Variants in ITIH2 observed in about 807,000 individuals in gnomAD.
ITIH2 encodes the protein inter-alpha-trypsin inhibitor heavy chain 2.
A neutral mutation model predicts 104.4 loss-of-function variants in ITIH2; 103 were observed. The ratio of observed to expected loss-of-function variants is 0.99; its 90% CI spans 0.84 to 1.16. ITIH2 has a LOEUF of 1.16. Among genes scored for constraint, ITIH2 ranks in the 50% most tolerant of loss-of-function variants. ITIH2 has a pLI of 0.00. For missense variants in ITIH2, 1,108 were observed against 1,162.4 expected (o/e 0.95, Z 0.68); for synonymous variants, 436 against 435.4 (o/e 1.00, Z -0.02).
At chr10:7,743,844 C>T (rs1835149732) in intron 17 of ITIH2, among the ~76,000 whole-genome samples, 1 of 151,740 alleles carries the variant, frequency 6.6e-6, no homozygotes, top group Admixed American at 6.6e-5. Context: ...TATAAACTGA[C>T]AATTAAATTT....
intron 18 of ITIH2, 91 bp from the exon 19 acceptor site, chr10:7,744,700 G>A: frequency 2.0e-6 from 2 of 1,018,246 alleles, no homozygotes; most frequent in Non-Finnish European, 2.9e-6. Context: ...TGTCTGGGAG[G>A]AGTGAAGAGT....
chr10:7,704,315 G>T (rs936535048), intron 1 of ITIH2, among the ~76,000 whole-genome samples: 6 of 152,226 alleles, frequency 3.9e-5, no homozygotes, highest in African/African-American at 1.4e-4. Flanking sequence ...CACTCTGTCT[G>T]CTTTGAAACT....
chr10:7,739,908 G>C (rs998707451), intron 16 of ITIH2, among the ~76,000 whole-genome samples: 1 of 151,510 alleles, frequency 6.6e-6, no homozygotes, highest in Non-Finnish European at 1.5e-5. Flanking sequence ...AGTAGGGACC[G>C]GGCACGGTGG....
Position 7,744,214 on chromosome 10 carries a change from C to T in ITIH2, c.2342C>T (p.Thr781Ile). Residue 781 changes from threonine to isoleucine, a missense_variant, in exon 18 of 21, where the codon ACC (threonine) becomes ATC (isoleucine). Thr to Ile is a moderately conservative substitution (Grantham distance 89). Transcript: ENST00000358415. ...IKIEISTETI[T>I]LSHGSSTFSL... is the part of the protein sequence containing the mutation. ...ATAGAAATCAGCACTGAGACCATCA[C>T]CCTGAGCCATGGTTCTAGCACATTC... 1 of 1,614,184 alleles carries T rather than the reference C, an allele frequency of 6.2e-7. No homozygotes were observed. The highest frequency in any genetic ancestry group is 8.5e-7 in the Non-Finnish European group (1 of 1,180,030).
At chr10:7,747,285 C>T (rs946187425) in intron 20 of ITIH2, among the ~76,000 whole-genome samples, 3 of 152,128 alleles carry the variant, frequency 2.0e-5, no homozygotes, top group African/African-American at 7.2e-5. Flanking sequence ...AGCAGCTTAC[C>T]CCTTTTTAGA....
chr10:7,705,776 C>T lies in ITIH2; in HGVS notation c.159+594C>T, dbSNP rs186013473. On this transcript the variant is annotated intron_variant, in intron 2 of 20. Coordinates refer to ENST00000358415, the MANE Select transcript of ITIH2 (RefSeq NM_002216.3). ...TTAAGATTCCGAAATTATTTCCTGC[C>T]TTGCCGGAAGGATTTCCTGTTAGGA... 5.2e-3 allele frequency among the ~76,000 whole-genome samples: 789 copies of T among 151,660 alleles called. 3 individuals are homozygous for T. Among genetic ancestry groups the T allele is most frequent in the African/African-American group, 0.018 (749 of 41,370 alleles).
chr10:7,707,363 A>T, intron 3 of ITIH2, 130 bp downstream of exon 3: 1 of 677,316 alleles, frequency 1.5e-6, no homozygotes, highest in East Asian at 2.7e-5. Flanking sequence ...GCCTTGCCCA[A>T]CTGTTTGCAA....
rs774528846 is a variant in ITIH2 at position 7,727,078 on chromosome 10, A to C, written c.1113A>C (p.Ala371=). 1 of 1,614,070 alleles carries C rather than the reference A, an allele frequency of 6.2e-7. No individual in the cohort carries two copies. Among genetic ancestry groups the C allele is most frequent in the African/African-American group, 1.3e-5 (1 of 74,950 alleles). The part of the protein sequence containing the change: ...DLISATKTQV[A]DAKRYIEKIQ... ...TTTCAGCTACAAAAACACAGGTTGCAGATGCCAAGAGGTATATTGAGAAAA... is the reference window on the plus strand; with the variant it reads ...TTTCAGCTACAAAAACACAGGTTGCCGATGCCAAGAGGTATATTGAGAAAA... Residue 371 remains alanine, a synonymous_variant, in exon 10 of 21, where the codon GCA becomes GCC. Coordinates refer to ENST00000358415, the MANE Select transcript of ITIH2 (RefSeq NM_002216.3).
At chr10:7,725,129 C>G (rs1344610802) in intron 9 of ITIH2, among the ~76,000 whole-genome samples, 4 of 152,090 alleles carry the variant, frequency 2.6e-5, no homozygotes, top group Non-Finnish European at 5.9e-5. Flanking sequence ...AATACACATG[C>G]AAGTACAAAT....
intron 16 of ITIH2, among the ~76,000 whole-genome samples, chr10:7,741,522 C>CAATCAACT (rs1016804582): frequency 3.9e-5 from 6 of 152,132 alleles, no homozygotes; most frequent in Non-Finnish European, 8.8e-5. Flanking sequence ...GCTCCAAGAA[C>CAATCAACT]AATCAACTAA....
rs71481738 is a variant in ITIH2, at chr10:7,729,995, C to T, written c.1323C>T (p.Asn441=). The change falls in exon 12 of 21, where the codon AAC becomes AAT. Residue 441 remains asparagine (N), a synonymous_variant. Coordinates refer to ENST00000358415, the MANE Select transcript of ITIH2 (RefSeq NM_002216.3). The part of the protein sequence containing the change: ...LSKIQKNVKE[N]IQDNISLFSL... ...AAATTCAGAAAAACGTTAAGGAGAA[C>T]ATCCAAGACAATATCTCCTTGTTCA... The T allele has an allele frequency of 2.3e-3, 3,653 of 1,610,910 alleles. 18 individuals carry two copies. The highest frequency in any genetic ancestry group is 2.6e-3 in the Non-Finnish European group (3,015 of 1,178,738).
rs575210467 is a variant in ITIH2 at position 7,706,290 on chromosome 10, G to A, written c.160-911G>A. On this transcript the variant is annotated intron_variant, in intron 2 of 20. Coordinates refer to ENST00000358415, the MANE Select transcript of ITIH2 (RefSeq NM_002216.3). The stretch of plus-strand genomic sequence containing the variant: ...ACAGCACAGAACCTCAGTTCACCCC[G>A]AATCAGGCAAGCTGAGCTTATATCC... Among the ~76,000 whole-genome samples, 10 of 152,246 alleles carry A rather than the reference G, an allele frequency of 6.6e-5. No homozygotes were observed. In the East Asian group the frequency reaches 1.5e-3, roughly 24 times the overall value.
rs771279620 is a variant in ITIH2, at chr10:7,732,346, G to A, written c.1656G>A (p.Thr552=). The change falls in exon 14 of 21, where the codon ACG becomes ACA. Residue 552 remains threonine (T), a synonymous_variant. Transcript: ENST00000358415. ...AACCTTCCATCATCTAGGCTAACAC[G>A]CAGTTAGTCTTGGAGACCCTGGCCC... ...ESVITATSAN[T]QLVLETLAQM... 12 of 1,613,208 alleles carry A rather than the reference G, an allele frequency of 7.4e-6. No homozygotes were observed. Among genetic ancestry groups the A allele is most frequent in the South Asian group, 3.3e-5 (3 of 90,960 alleles).
intron 16 of ITIH2, among the ~76,000 whole-genome samples, chr10:7,741,145 A>G (rs1448739673): frequency 1.3e-5 from 2 of 151,948 alleles, no homozygotes; most frequent in Non-Finnish European, 2.9e-5. Flanking sequence ...GTAGAGGAAG[A>G]AAGAGGATAT....
chr10:7,749,132 C>G, intron 20 of ITIH2, 55 bp from the exon 21 acceptor site: 1 of 1,556,146 alleles, frequency 6.4e-7, no homozygotes, highest in East Asian at 2.3e-5. Context: ...AAGAGGGAGT[C>G]TTGTGTCTAG....
In ITIH2 at chr10:7,737,433, GTA is replaced by G. The variant is rs372820455; in HGVS notation, c.1958-1175_1958-1174del. 1.3e-3 allele frequency among the ~76,000 whole-genome samples: 157 copies of G among 124,176 alleles called. 1 individual carries two copies. Among genetic ancestry groups the G allele is most frequent in the Middle Eastern group, 0.012 (2 of 162 alleles). The allele number at this position is 124,176 out of a possible 152,430, so 81.5% of individuals were successfully genotyped here. A position where few individuals can be genotyped will look rare whatever the true frequency, so the allele number is the denominator to read the frequency against. ...TATATATATATATATATATACACGT[GTA>G]TATATATATATAACAGATAACGTAT... is the stretch of plus-strand genomic sequence containing the variant. On this transcript the variant is annotated intron_variant, in intron 15 of 20. Transcript: ENST00000358415.
intron 16 of ITIH2, among the ~76,000 whole-genome samples, 167 bp from the exon 17 acceptor site, chr10:7,742,979 G>A (rs1835141272): frequency 6.6e-6 from 1 of 152,168 alleles, no homozygotes; most frequent in Non-Finnish European, 1.5e-5. Context: ...AAGGGACAAT[G>A]GAGTATGAAC....
Position 7,723,575 on chromosome 10 carries a change from C to T in ITIH2, c.984+8C>T. The stretch of plus-strand genomic sequence containing the variant: ...GGAGTTAAAATGAAACAAGTAAGTA[C>T]CCCCTTGTTTGCAGTGGTTGGGGGG... On this transcript the variant is annotated splice_region_variant and intron_variant, in intron 9 of 20. Transcript: ENST00000358415. 6 of 1,535,640 alleles carry T rather than the reference C, an allele frequency of 3.9e-6. No homozygotes were observed. The highest frequency in any genetic ancestry group is 1.1e-5 in the South Asian group (1 of 89,490).
intron 5 of ITIH2, 43 bp downstream of exon 5, chr10:7,713,328 C>A (rs369842509): frequency 6.8e-7 from 1 of 1,464,954 alleles, no homozygotes; most frequent in East Asian, 2.3e-5. Context: ...CTCTCAATGA[C>A]GGTTTCCTCT....
Sources: gnomAD v4.1 joint callset for allele counts (sites outside exome capture counted in the v4.1 genomes callset) on GRCh38, gnomAD v4.1.1 for gene constraint, MANE v1.5 for transcripts, NCBI Gene and HGNC (gene_info 2026-07-23, HGNC 2026-07-21) for gene names.